ZNF804A: variants seen among roughly 807,000 people sequenced by gnomAD.
ZNF804A encodes the protein zinc finger protein 804A.
Under a neutral mutation model 16.5 loss-of-function variants are expected in ZNF804A, and 2 were observed. The ratio of observed to expected loss-of-function variants is 0.12; its 90% CI spans 0.05 to 0.38. The LOEUF is 0.38. ZNF804A is among the 10% of genes least tolerant of loss of function. ZNF804A has a pLI of 0.99. For missense variants in ZNF804A, 1,473 were observed against 1,390.7 expected, an observed-to-expected ratio of 1.06 and a Z score of -0.94; for synonymous variants, 534 against 489.6, an observed-to-expected ratio of 1.09 and a Z score of -1.20.
At chr2:184,828,588 T>C (rs1695209621) in intron 1 of ZNF804A, among the ~76,000 whole-genome samples, 1 of 151,852 alleles carries the variant, frequency 6.6e-6, no homozygotes, top group Non-Finnish European at 1.5e-5. Context: ...TTCTCTTATT[T>C]ATGCTTTGCC....
intron 1 of ZNF804A, among the ~76,000 whole-genome samples, chr2:184,787,840 TTTAA>T (rs1331910690): frequency 1.3e-5 from 2 of 151,700 alleles, no homozygotes; most frequent in Non-Finnish European, 2.9e-5. Flanking sequence ...TTTTTTTTAG[TTTAA>T]TTAAGTCCCA....
chr2:184,888,738 T>A (rs920983605), intron 2 of ZNF804A, among the ~76,000 whole-genome samples: 1 of 152,120 alleles, frequency 6.6e-6, no homozygotes, highest in Non-Finnish European at 1.5e-5. Context: ...GTTGTTGTTT[T>A]ACTTATTGGA....
intron 2 of ZNF804A, among the ~76,000 whole-genome samples, chr2:184,889,303 A>T (rs1301814700): frequency 1.3e-5 from 2 of 151,928 alleles, no homozygotes; most frequent in African/African-American, 4.8e-5. Context: ...AATTATGTTA[A>T]TTTTTCTTTG....
intron 1 of ZNF804A, among the ~76,000 whole-genome samples, chr2:184,795,718 A>T (rs1694620800): frequency 6.6e-6 from 1 of 152,192 alleles, no homozygotes; most frequent in Admixed American, 6.5e-5. Context: ...AAATAACCTC[A>T]CTAAGAAATG....
At chr2:184,928,501 C>T (rs188077929) in intron 2 of ZNF804A, among the ~76,000 whole-genome samples, 1 of 152,284 alleles carries the variant, frequency 6.6e-6, no homozygotes, top group Admixed American at 6.5e-5. Flanking sequence ...ATCAGCCCTC[C>T]CTTAGCCAAA....
At chr2:184,703,498 C>T (rs1052639065) in intron 1 of ZNF804A, among the ~76,000 whole-genome samples, 2 of 151,262 alleles carry the variant, frequency 1.3e-5, no homozygotes, top group Non-Finnish European at 3.0e-5. Flanking sequence ...ATCAGGAGAT[C>T]GAGACCACGG....
At chr2:184,618,406 G>A (rs187665504) in intron 1 of ZNF804A, among the ~76,000 whole-genome samples, 8 of 152,200 alleles carry the variant, frequency 5.3e-5, no homozygotes, top group East Asian at 3.9e-4. Flanking sequence ...ATATACGCAC[G>A]AAGTAGCATG....
intron 2 of ZNF804A, among the ~76,000 whole-genome samples, chr2:184,870,860 G>A (rs1390732633): frequency 6.6e-6 from 1 of 151,822 alleles, no homozygotes; most frequent in Non-Finnish European, 1.5e-5. Context: ...ATTCATAAAT[G>A]TCCATCCTTC....
In ZNF804A at chr2:184,598,651, T is replaced by C; in HGVS notation, c.-309T>C. ...CGCGCGGGCACTGACTCCCGCTCGGTTCCGTTTCGCCGGCCCGGCCCCCTC... is the reference window on the plus strand; with the variant it reads ...CGCGCGGGCACTGACTCCCGCTCGGCTCCGTTTCGCCGGCCCGGCCCCCTC... On this transcript the variant is annotated 5_prime_UTR_variant, in exon 1 of 4. Transcript: ENST00000302277. 5.1e-6 allele frequency: 1 copy of C among 197,514 alleles called. No homozygotes were observed. The allele number at this position is 197,514 out of a possible 1,614,324, so 12.2% of individuals were successfully genotyped here.
intron 1 of ZNF804A, among the ~76,000 whole-genome samples, chr2:184,693,815 G>A (rs1335454394): frequency 6.6e-6 from 1 of 151,046 alleles, no homozygotes; most frequent in Non-Finnish European, 1.5e-5. Flanking sequence ...TGTCAGCTTG[G>A]CGTCAGTGAA....
chr2:184,743,484 A>G, intron 1 of ZNF804A, among the ~76,000 whole-genome samples: 1 of 151,952 alleles, frequency 6.6e-6, no homozygotes, highest in East Asian at 1.9e-4. Context: ...TATATCTATT[A>G]TTATTTTAAT....
At chr2:184,654,775 T>A (rs897452539) in intron 1 of ZNF804A, among the ~76,000 whole-genome samples, 1 of 152,168 alleles carries the variant, frequency 6.6e-6, no homozygotes, top group African/African-American at 2.4e-5. Context: ...ATGGTCATCA[T>A]GTTAAGAAAA....
At chr2:184,654,548 C>A (rs867190089) in intron 1 of ZNF804A, among the ~76,000 whole-genome samples, 1 of 152,172 alleles carries the variant, frequency 6.6e-6, no homozygotes, top group East Asian at 1.9e-4. Context: ...TGTCTCAGTG[C>A]CCCCTTTTAG....
At chr2:184,722,453 T>C (rs1693333808) in intron 1 of ZNF804A, among the ~76,000 whole-genome samples, 1 of 152,078 alleles carries the variant, frequency 6.6e-6, no homozygotes, top group Non-Finnish European at 1.5e-5. Context: ...TGTGAATGTT[T>C]CTGAAGACAG....
intron 1 of ZNF804A, among the ~76,000 whole-genome samples, chr2:184,704,503 C>T (rs542005521): frequency 6.6e-6 from 1 of 152,128 alleles, no homozygotes; most frequent in Non-Finnish European, 1.5e-5. Context: ...AGAGTGGATC[C>T]ATATGGAGTG....
chr2:184,785,157 A>G (rs1694428532), intron 1 of ZNF804A, among the ~76,000 whole-genome samples: 2 of 152,038 alleles, frequency 1.3e-5, no homozygotes, highest in Admixed American at 6.6e-5. Context: ...ACTCCCAGGT[A>G]TCTACAAATG....
intron 2 of ZNF804A, chr2:184,902,203 G>T: frequency 6.0e-6 from 1 of 165,612 alleles, no homozygotes; most frequent in East Asian, 1.5e-4. Flanking sequence ...ATCAGGGTGT[G>T]GACCTTGGCC....
chr2:184,604,146 C>CTTTTTTTTTTTTTTT lies in ZNF804A; in HGVS notation c.111+5103_111+5117dup, dbSNP rs759053144. Among the ~76,000 whole-genome samples the CTTTTTTTTTTTTTTT allele has an allele frequency of 1.0e-3, 45 of 44,896 alleles. 14 individuals are homozygous for CTTTTTTTTTTTTTTT. The highest frequency in any genetic ancestry group is 1.6e-3 in the Non-Finnish European group (36 of 22,812). The allele number at this position is 44,896 out of a possible 152,430, so 29.5% of individuals were successfully genotyped here. A position where few individuals can be genotyped will look rare whatever the true frequency, so the allele number is the denominator to read the frequency against. Reference sequence around the variant, plus strand: ...TTCAGGTTATGGATGACTGCAATTACTTTTTTTTTTTTTTTTTTTTTTTTT... The same window carrying CTTTTTTTTTTTTTTT: ...TTCAGGTTATGGATGACTGCAATTACTTTTTTTTTTTTTTTTTTTTTTTTTTTTTTTTTTTTTTTT... On this transcript the variant is annotated intron_variant, in intron 1 of 3. Coordinates refer to ENST00000302277, the MANE Select transcript of ZNF804A (RefSeq NM_194250.2).
intron 1 of ZNF804A, among the ~76,000 whole-genome samples, chr2:184,813,220 G>A (rs1420133636): frequency 1.3e-5 from 2 of 151,982 alleles, no homozygotes; most frequent in African/African-American, 4.8e-5. Flanking sequence ...AGGTAACTTA[G>A]TAGGCACTAT....
Sources: gnomAD v4.1 joint callset for allele counts (sites outside exome capture counted in the v4.1 genomes callset) on GRCh38, gnomAD v4.1.1 for gene constraint, MANE v1.5 for transcripts, NCBI Gene and HGNC (gene_info 2026-07-23, HGNC 2026-07-21) for gene names.